Variants in FBXL13 observed in about 807,000 individuals in gnomAD.
The protein encoded by FBXL13 is F-box and leucine rich repeat protein 13, also known as F-box and leucine-rich repeat protein 13.
FBXL13 carries 67 observed loss-of-function variants against 83.6 expected under a neutral mutation model. The ratio of observed to expected loss-of-function variants is 0.80; its 90% CI spans 0.66 to 0.98. FBXL13 has a LOEUF of 0.98. Among genes scored for constraint, FBXL13 ranks in the 50% least tolerant of loss-of-function variants. The pLI is 0.00. For missense variants in FBXL13, 822 were observed against 866.5 expected (o/e 0.95, Z 0.64); for synonymous variants, 272 against 299.5 (o/e 0.91, Z 0.95).
At chr7:102,967,510 TGATCTGC>T (rs1563163832) in intron 7 of FBXL13, among the ~76,000 whole-genome samples, 1 of 152,186 alleles carries the variant, frequency 6.6e-6, no homozygotes, top group East Asian at 1.9e-4. Context: ...TGACCTCAGG[TGATCTGC>T]CCACCTTGAC....
chr7:102,870,768 T>C (rs1301921284), intron 16 of FBXL13, among the ~76,000 whole-genome samples: 4 of 152,118 alleles, frequency 2.6e-5, no homozygotes, highest in Admixed American at 2.0e-4. Context: ...ATTTTGGTCA[T>C]AGCTGGGTGT....
intron 11 of FBXL13, among the ~76,000 whole-genome samples, chr7:102,895,619 C>T (rs987196998): frequency 6.6e-6 from 1 of 152,074 alleles, no homozygotes; most frequent in Admixed American, 6.6e-5. Flanking sequence ...CATAACCCAT[C>T]GTTGCACACA....
intron 10 of FBXL13, among the ~76,000 whole-genome samples, chr7:102,922,368 G>C (rs747193013): frequency 2.6e-5 from 4 of 151,696 alleles, no homozygotes; most frequent in Non-Finnish European, 5.9e-5. Context: ...CTTCTAAAAG[G>C]AAAGAAATCA....
At chr7:102,832,768 T>C in intron 18 of FBXL13, 72 bp downstream of exon 19, 21 of 1,578,556 alleles carry the variant, frequency 1.3e-5, no homozygotes, top group Non-Finnish European at 1.5e-5. Flanking sequence ...AGTCCAGCCC[T>C]GATCGCTGTC....
intron 6 of FBXL13, among the ~76,000 whole-genome samples, chr7:103,023,633 A>G (rs1171144374): frequency 6.6e-6 from 1 of 152,236 alleles, no homozygotes; most frequent in Non-Finnish European, 1.5e-5. Flanking sequence ...TATATGCCCA[A>G]AGGAATATAA....
At chr7:102,931,723 T>C (rs1340944335) in intron 9 of FBXL13, among the ~76,000 whole-genome samples, 158 bp downstream of exon 10, 1 of 152,254 alleles carries the variant, frequency 6.6e-6, no homozygotes, top group African/African-American at 2.4e-5. Context: ...ATTAGCGTTG[T>C]GCAGATGGAG....
intron 8 of FBXL13, chr7:102,944,598 A>G: frequency 6.3e-7 from 1 of 1,598,946 alleles, no homozygotes; most frequent in Non-Finnish European, 8.5e-7. Flanking sequence ...TAATTACTAT[A>G]GTAGGATAAG....
chr7:102,831,431 A>ACACACC lies in FBXL13; in HGVS notation c.1854+1408_1854+1409insGGTGTG, dbSNP rs1033135095. Among the ~76,000 whole-genome samples the ACACACC allele has an allele frequency of 3.8e-3, 566 of 147,230 alleles. 3 individuals carry two copies. The highest frequency in any genetic ancestry group is 0.013 in the African/African-American group (527 of 40,118). ...CACACACACACACACACACACACAC[A>ACACACC]CCCCACTACAGAGAGTTATCTTGTC... is the stretch of plus-strand genomic sequence containing the variant. On this transcript the variant is annotated intron_variant, in intron 18 of 19. Coordinates refer to ENST00000313221, the Ensembl canonical transcript of FBXL13.
chr7:102,867,695 A>ATATATATATATATTTTT (rs1239781180), intron 16 of FBXL13, among the ~76,000 whole-genome samples: 3 of 49,078 alleles, frequency 6.1e-5, no homozygotes, highest in African/African-American at 3.7e-4. Flanking sequence ...ATATATATAT[A>ATATATATATATATTTTT]TTTTTTTTTT....
At position 103,023,597 on chromosome 7, in the gene FBXL13, T is replaced by C. The variant is rs531387064; in HGVS notation, c.495+1466A>G. On this transcript the variant is annotated intron_variant, in intron 6 of 19. Coordinates refer to ENST00000313221, the Ensembl canonical transcript of FBXL13. ...CAAAGAACATAAAACAGAATTGCCA[T>C]TCAACCCAACAATCCCATTATTGGG... Among the ~76,000 whole-genome samples the C allele has an allele frequency of 4.6e-5, 7 of 152,270 alleles. No homozygotes were observed. In the East Asian group the frequency reaches 1.4e-3, roughly 29 times the overall value.
intron 2 of FBXL13, among the ~76,000 whole-genome samples, chr7:103,051,602 C>G (rs144269430): frequency 6.6e-6 from 1 of 152,306 alleles, no homozygotes; most frequent in Non-Finnish European, 1.5e-5. Flanking sequence ...CCATTTCTGA[C>G]ACCATCTGAT....
chr7:102,833,080 GT>G, intron 17 of FBXL13, 106 bp from the exon 19 acceptor site: 1 of 1,205,424 alleles, frequency 8.3e-7, no homozygotes, highest in Non-Finnish European at 1.1e-6. Context: ...AAATACAGAT[GT>G]TAGATCTTGA....
chr7:102,881,562 G>C (rs970632984), intron 14 of FBXL13, among the ~76,000 whole-genome samples: 5 of 134,714 alleles, frequency 3.7e-5, no homozygotes, highest in South Asian at 2.2e-4. Context: ...TGTGTATGTA[G>C]TGTGTGTGTG....
chr7:103,073,892 G>C (rs1405234458), intron 1 of FBXL13, among the ~76,000 whole-genome samples: 1 of 151,902 alleles, frequency 6.6e-6, no homozygotes, highest in African/African-American at 2.4e-5. Flanking sequence ...ATCTTTGCTC[G>C]AACCTCCTAC....
At chr7:103,034,294 G>C in intron 2 of FBXL13, among the ~76,000 whole-genome samples, 1 of 152,180 alleles carries the variant, frequency 6.6e-6, no homozygotes, top group East Asian at 1.9e-4. Context: ...GGAGCGGGGG[G>C]CGGCGCTTGT....
intron 11 of FBXL13, among the ~76,000 whole-genome samples, chr7:102,894,728 C>CT (rs1193306689): frequency 6.9e-6 from 1 of 143,902 alleles, no homozygotes; most frequent in Admixed American, 7.0e-5. Context: ...GACTTTGTCT[C>CT]TTAAAAAAAA....
At chr7:103,070,028 G>A (rs1256531988) in intron 1 of FBXL13, among the ~76,000 whole-genome samples, 2 of 146,296 alleles carry the variant, frequency 1.4e-5, no homozygotes, top group South Asian at 2.1e-4. Flanking sequence ...GCAGTGAGCC[G>A]AGATCCCGCC....
At chr7:102,830,860 G>T (rs1380756036) in intron 18 of FBXL13, among the ~76,000 whole-genome samples, 1 of 152,108 alleles carries the variant, frequency 6.6e-6, no homozygotes. Flanking sequence ...TTCATATTTT[G>T]CTAACTCCAA....
At chr7:102,828,434 T>TA (rs1171864339) in intron 18 of FBXL13, among the ~76,000 whole-genome samples, 1 of 152,190 alleles carries the variant, frequency 6.6e-6, no homozygotes, top group Non-Finnish European at 1.5e-5. Flanking sequence ...CTGAAAGAAT[T>TA]TCCAAACATG....
Sources: allele counts gnomAD v4.1 joint callset (sites outside exome capture counted in the v4.1 genomes callset), GRCh38; gene constraint gnomAD v4.1.1; transcripts MANE v1.5; gene names NCBI Gene and HGNC (gene_info 2026-07-23, HGNC 2026-07-21).